Variants in KIAA1217 observed in about 807,000 individuals in gnomAD.
The protein encoded by KIAA1217 is sickle tail protein homolog.
A neutral mutation model predicts 163.9 loss-of-function variants in KIAA1217; 88 were observed. The observed-to-expected ratio is 0.54, with a 90% CI of 0.45 to 0.64. KIAA1217 has a LOEUF of 0.64. KIAA1217 is among the 30% of genes least tolerant of loss of function. The probability of loss-of-function intolerance (pLI) is 0.00; values close to 1 mark genes in which losing one functional copy is unlikely to be tolerated. For missense variants in KIAA1217, 2,372 were observed against 2,475.0 expected (o/e 0.96, Z 0.88); for synonymous variants, 903 against 923.1 (o/e 0.98, Z 0.39).
chr10:24,060,037 G>A (rs185000950), intron 2 of KIAA1217, among the ~76,000 whole-genome samples: 16 of 152,138 alleles, frequency 1.1e-4, no homozygotes, highest in Admixed American at 3.3e-4. Context: ...TGTAAGTAAT[G>A]ACTCCTTTTT....
intron 2 of KIAA1217, among the ~76,000 whole-genome samples, chr10:24,041,206 A>G (rs1455443856): frequency 2.6e-5 from 4 of 152,214 alleles, no homozygotes; most frequent in African/African-American, 9.6e-5. Context: ...CCAAGGGAAC[A>G]CAGAATAATC....
At chr10:24,361,541 C>T (rs1245026694) in intron 2 of KIAA1217, among the ~76,000 whole-genome samples, 1 of 152,240 alleles carries the variant, frequency 6.6e-6, no homozygotes, top group East Asian at 1.9e-4. Flanking sequence ...AACTTCTTTC[C>T]CTCCTGTTAC....
At chr10:24,025,169 T>C (rs1847888280) in intron 2 of KIAA1217, among the ~76,000 whole-genome samples, 1 of 151,792 alleles carries the variant, frequency 6.6e-6, no homozygotes, top group South Asian at 2.1e-4. Context: ...AGGTCTGTAA[T>C]CAACTTGAAT....
chr10:23,730,891 G>T (rs1367837053), intron 1 of KIAA1217, among the ~76,000 whole-genome samples: 2 of 152,064 alleles, frequency 1.3e-5, no homozygotes, highest in Non-Finnish European at 2.9e-5. Context: ...AAGGCTTTTT[G>T]TTCAGTTCTT....
intron 2 of KIAA1217, among the ~76,000 whole-genome samples, chr10:24,062,002 C>A (rs554642959): frequency 2.6e-5 from 4 of 152,014 alleles, no homozygotes; most frequent in Non-Finnish European, 5.9e-5. Context: ...TTATCTGGAA[C>A]CTCCATGATG....
chr10:23,770,370 T>C (rs1224695282), intron 1 of KIAA1217, among the ~76,000 whole-genome samples: 4 of 152,228 alleles, frequency 2.6e-5, no homozygotes, highest in Non-Finnish European at 5.9e-5. Flanking sequence ...TTTAGTGTAC[T>C]TTCATTTAGT....
At chr10:23,742,166 G>A (rs1209152511) in intron 1 of KIAA1217, among the ~76,000 whole-genome samples, 2 of 152,098 alleles carry the variant, frequency 1.3e-5, no homozygotes, top group African/African-American at 4.8e-5. Flanking sequence ...TCGCTCTGGG[G>A]TTTGAGTACA....
At chr10:23,766,405 A>G (rs1834516888) in intron 1 of KIAA1217, among the ~76,000 whole-genome samples, 1 of 152,242 alleles carries the variant, frequency 6.6e-6, no homozygotes, top group Admixed American at 6.5e-5. Flanking sequence ...GCAAAGAACA[A>G]TAATTTATTT....
At chr10:24,146,536 G>T (rs1022005310) in intron 2 of KIAA1217, among the ~76,000 whole-genome samples, 3 of 151,982 alleles carry the variant, frequency 2.0e-5, no homozygotes, top group Non-Finnish European at 1.5e-5. Flanking sequence ...AAATACAAAA[G>T]TTAGCCAGGT....
At chr10:24,262,628 G>GA (rs1331931820) in intron 2 of KIAA1217, among the ~76,000 whole-genome samples, 1,432 of 70,778 alleles carry the variant, frequency 0.02, 15 homozygotes, top group African/African-American at 0.055. Flanking sequence ...CCGTCTCAAA[G>GA]AAAAAAAAAA....
chr10:23,738,615 T>A (rs949241130), intron 1 of KIAA1217, among the ~76,000 whole-genome samples: 2 of 141,960 alleles, frequency 1.4e-5, no homozygotes, highest in African/African-American at 5.4e-5. Flanking sequence ...TCTTTAGAAA[T>A]GTTTTTTTTT....
At chr10:24,068,314 C>T (rs1564661106) in intron 2 of KIAA1217, among the ~76,000 whole-genome samples, 2 of 152,156 alleles carry the variant, frequency 1.3e-5, no homozygotes, top group African/African-American at 2.4e-5. Flanking sequence ...TTCTTCAGCT[C>T]CAAGATTTCT....
At chr10:24,375,770 C>G (rs560666220) in intron 2 of KIAA1217, among the ~76,000 whole-genome samples, 1 of 152,204 alleles carries the variant, frequency 6.6e-6, no homozygotes, top group Admixed American at 6.5e-5. Context: ...AACTTCATCA[C>G]GGCAATGTTG....
chr10:24,061,647 G>A (rs2060726521), intron 2 of KIAA1217, among the ~76,000 whole-genome samples: 1 of 152,030 alleles, frequency 6.6e-6, no homozygotes, highest in Non-Finnish European at 1.5e-5. Context: ...GAACAGTTTT[G>A]ACCAGCATAA....
chr10:24,229,886 G>A (rs972162394), intron 2 of KIAA1217, among the ~76,000 whole-genome samples: 1 of 152,054 alleles, frequency 6.6e-6, no homozygotes, highest in Admixed American at 6.6e-5. Context: ...CTAGTATACT[G>A]TGTGCACAGC....
chr10:24,072,412 G>A (rs1207256147), intron 2 of KIAA1217, among the ~76,000 whole-genome samples: 1 of 152,166 alleles, frequency 6.6e-6, no homozygotes, highest in African/African-American at 2.4e-5. Context: ...CTACATTTAA[G>A]ATTGGTCAAA....
At chr10:23,915,897 T>A (rs1842617701) in intron 1 of KIAA1217, among the ~76,000 whole-genome samples, 1 of 152,050 alleles carries the variant, frequency 6.6e-6, no homozygotes, top group South Asian at 2.1e-4. Context: ...CTATCATTGG[T>A]TAATATGGGG....
intron 1 of KIAA1217, among the ~76,000 whole-genome samples, chr10:23,904,969 T>TC (rs1842092233): frequency 6.6e-6 from 1 of 151,846 alleles, no homozygotes; most frequent in South Asian, 2.1e-4. Flanking sequence ...TTTTTTTTTT[T>TC]CTACCCACCA....
At chr10:23,750,973 C>G (rs1588717077) in intron 1 of KIAA1217, among the ~76,000 whole-genome samples, 1 of 150,886 alleles carries the variant, frequency 6.6e-6, no homozygotes, top group East Asian at 1.9e-4. Flanking sequence ...CCTCCCTTCC[C>G]TTTCTTCCCT....
Sources: gnomAD v4.1 joint callset for allele counts (sites outside exome capture counted in the v4.1 genomes callset) on GRCh38, gnomAD v4.1.1 for gene constraint, MANE v1.5 for transcripts, NCBI Gene and HGNC (gene_info 2026-07-23, HGNC 2026-07-21) for gene names.